Variants in MYH9 observed in about 807,000 individuals in gnomAD.
MYH9 encodes the protein myosin heavy chain 9.
MYH9 carries 29 observed loss-of-function variants against 241.9 expected under a neutral mutation model. The ratio of observed to expected loss-of-function variants is 0.12; its 90% CI spans 0.09 to 0.16. The LOEUF (loss-of-function observed/expected upper bound fraction) is 0.16, where lower values mean the gene tolerates loss of function less well. MYH9 is among the 10% of genes least tolerant of loss of function. MYH9 has a pLI of 1.00. For missense variants in MYH9, 1,803 were observed against 2,595.5 expected (o/e 0.69, Z 6.63); for synonymous variants, 1,047 against 1,062.6 (o/e 0.99, Z 0.29).
chr22:36,381,472 G>A (rs1298902778), intron 1 of MYH9, among the ~76,000 whole-genome samples: 5 of 148,998 alleles, frequency 3.4e-5, no homozygotes, highest in African/African-American at 7.5e-5. Flanking sequence ...AGCCGAGATC[G>A]ATCATGCCAC....
In MYH9 at chr22:36,320,937, C is replaced by G. The variant is rs2017239899; in HGVS notation, c.770-41G>C. On this transcript the variant is annotated intron_variant, in intron 7 of 40. Transcript: ENST00000216181. The surrounding 1 kb of genome is among the most constrained non-coding windows in gnomAD (Gnocchi z 4.8). Reference sequence around the variant, plus strand: ...GGAGCAACACAAGCTGGGGAGAAGGCAAGCCCTCCACTTTCCTCATTTTTT... The same window carrying G: ...GGAGCAACACAAGCTGGGGAGAAGGGAAGCCCTCCACTTTCCTCATTTTTT... The G allele has an allele frequency of 1.9e-6, 3 of 1,540,682 alleles. No homozygotes were observed. Among genetic ancestry groups the G allele is most frequent in the East Asian group, 4.5e-5 (2 of 44,308 alleles).
Position 36,286,619 on chromosome 22 carries a change from G to A in MYH9, c.5061+99C>T, listed in dbSNP as rs188565498. 2.6e-6 allele frequency: 4 copies of A among 1,551,384 alleles called. No individual in the cohort carries two copies. In the African/African-American group the frequency reaches 4.1e-5, roughly 16 times the overall value. On this transcript the variant is annotated intron_variant, in intron 35 of 40. Transcript: ENST00000216181. Reference sequence around the variant, plus strand: ...GAGCCATCCCCAGCCAATTCCTGGAGCCCAGTAGGACTCCAGCCCTGTCCT... The same window carrying A: ...GAGCCATCCCCAGCCAATTCCTGGAACCCAGTAGGACTCCAGCCCTGTCCT...
In MYH9 at chr22:36,312,006, C is replaced by T; in HGVS notation, c.1728+43G>A. 3 of 974,878 alleles carry T rather than the reference C, an allele frequency of 3.1e-6. No homozygotes were observed. The African/African-American group carries it at 4.7e-5, about 15-fold the overall frequency. 60.4% of individuals were successfully genotyped at this position (974,878 alleles called of 1,614,324 possible). Reference sequence around the variant, plus strand: ...CCTAGAGAGCCTCGACTCCACCTCTCCTGTGAAGATCTGGCCAGCACCTCC... The same window carrying T: ...CCTAGAGAGCCTCGACTCCACCTCTTCTGTGAAGATCTGGCCAGCACCTCC... On this transcript the variant is annotated intron_variant, in intron 14 of 40. Coordinates refer to ENST00000216181, the MANE Select transcript of MYH9 (RefSeq NM_002473.6).
chr22:36,311,927 A>C, intron 14 of MYH9, 122 bp downstream of exon 14: 1 of 1,166,630 alleles, frequency 8.6e-7, no homozygotes, highest in Non-Finnish European at 1.3e-6. Context: ...TCATTGTGCA[A>C]GAACCGTACT....
intron 3 of MYH9, among the ~76,000 whole-genome samples, chr22:36,339,755 T>C (rs2017554235): frequency 6.6e-6 from 1 of 152,062 alleles, no homozygotes; most frequent in African/African-American, 2.4e-5. Flanking sequence ...CAAACCACTA[T>C]CCATACAAGA....
chr22:36,307,353 A>G (rs1387588492), intron 15 of MYH9, among the ~76,000 whole-genome samples: 1 of 152,200 alleles, frequency 6.6e-6, no homozygotes, highest in African/African-American at 2.4e-5. Flanking sequence ...TGCATCCTCC[A>G]AGGTAAAAAA....
intron 3 of MYH9, among the ~76,000 whole-genome samples, chr22:36,331,365 C>T (rs1450397572): frequency 6.6e-6 from 1 of 152,186 alleles, no homozygotes; most frequent in African/African-American, 2.4e-5. Context: ...ATTCAGGAAC[C>T]AGGCCATTTT....
chr22:36,367,315 T>C (rs568453265), intron 1 of MYH9, among the ~76,000 whole-genome samples: 5 of 152,276 alleles, frequency 3.3e-5, no homozygotes, highest in African/African-American at 1.2e-4. Context: ...TGGGGTGCCC[T>C]GGACTCCAGG....
At chr22:36,313,216 T>G (rs1286337963) in intron 13 of MYH9, among the ~76,000 whole-genome samples, 1 of 148,170 alleles carries the variant, frequency 6.7e-6, no homozygotes, top group Non-Finnish European at 1.5e-5. Flanking sequence ...GTAATCCCAG[T>G]ACTTTGGGAG....
intron 27 of MYH9, 85 bp from the exon 28 acceptor site, chr22:36,294,383 A>T: frequency 6.9e-7 from 1 of 1,438,922 alleles, no homozygotes; most frequent in Non-Finnish European, 9.7e-7. Flanking sequence ...CTAGATCCAG[A>T]CATCGCTGCT....
intron 19 of MYH9, 99 bp from the exon 20 acceptor site, chr22:36,302,775 G>T: frequency 2.0e-6 from 2 of 1,007,982 alleles, no homozygotes; most frequent in African/African-American, 1.6e-5. Flanking sequence ...GTCTACCCTT[G>T]CCTGGGGCAC....
intron 1 of MYH9, among the ~76,000 whole-genome samples, chr22:36,353,481 C>A (rs963647976): frequency 3.9e-5 from 6 of 152,062 alleles, no homozygotes; most frequent in African/African-American, 1.4e-4. Context: ...CTGTCTCAGG[C>A]TTCCGAGTAG....
chr22:36,296,480 C>G (rs2016789511), intron 25 of MYH9, among the ~76,000 whole-genome samples: 1 of 151,496 alleles, frequency 6.6e-6, no homozygotes, highest in Admixed American at 6.6e-5. Context: ...AAGTGATCCA[C>G]CCGGCTTGGC....
In MYH9 at chr22:36,284,147, G is replaced by A. The variant is rs767057323; in HGVS notation, c.5711C>T (p.Thr1904Ile). Residue 1904 changes from threonine to isoleucine, a missense_variant, in exon 40 of 41, where the codon ACT (threonine) becomes ATT (isoleucine). Around this residue, in one of 11 missense-constraint regions of MYH9, gnomAD observed 876 missense variants for 1,077.8 expected, o/e 0.81. Transcript: ENST00000216181. ...RKLQRELEDA[T>I]ETADAMNREV... The stretch of plus-strand genomic sequence containing the variant: ...GCGGTTCATGGCATCGGCCGTCTCA[G>A]TGGCGTCCTCCAGCTCGCGCTGCAG... 2.1e-5 allele frequency: 34 copies of A among 1,614,086 alleles called. No homozygotes were observed. The highest frequency in any genetic ancestry group is 2.8e-5 in the Non-Finnish European group (33 of 1,180,032).
Position 36,331,422 on chromosome 22 carries a change from A to G in MYH9, c.491-3934T>C, listed in dbSNP as rs1259151285. Among the ~76,000 whole-genome samples the G allele has an allele frequency of 3.3e-5, 5 of 152,338 alleles. No individual in the cohort carries two copies. In the South Asian group the frequency reaches 6.2e-4, roughly 19 times the overall value. On this transcript the variant is annotated intron_variant, in intron 3 of 40. Transcript: ENST00000216181. ...CCGAAAATGTCCTGAGGCCAAGCCC[A>G]TGCAGTGAGGGCATCTGAGCTGATG...
intron 21 of MYH9, 39 bp from the exon 22 acceptor site, chr22:36,301,096 A>G: frequency 2.6e-6 from 4 of 1,547,124 alleles, no homozygotes; most frequent in Non-Finnish European, 3.5e-6. Flanking sequence ...TCCTCGCAAC[A>G]CCCTCAAGCC....
At chr22:36,324,028 C>T (rs1461276086) in intron 5 of MYH9, among the ~76,000 whole-genome samples, 1 of 152,242 alleles carries the variant, frequency 6.6e-6, no homozygotes, top group Non-Finnish European at 1.5e-5. Flanking sequence ...TACGCCGTTC[C>T]TCTCAGAGCA....
At chr22:36,292,770 G>A (rs1163303734) in intron 30 of MYH9, among the ~76,000 whole-genome samples, 2 of 152,222 alleles carry the variant, frequency 1.3e-5, no homozygotes, top group Admixed American at 6.5e-5. Context: ...GGACCCCTTC[G>A]CAGTCTAGAG....
At chr22:36,387,554 G>A (rs1244365453) in intron 1 of MYH9, among the ~76,000 whole-genome samples, 1 of 151,860 alleles carries the variant, frequency 6.6e-6, no homozygotes, top group Non-Finnish European at 1.5e-5. Flanking sequence ...GGGGAGCGCC[G>A]GGTCCCGAGG....
Sources: gnomAD v4.1 joint callset for allele counts (sites outside exome capture counted in the v4.1 genomes callset) on GRCh38, gnomAD v4.1.1 for gene constraint, gnomAD v4.1.1 regional missense constraint, Gnocchi (gnomAD v3.1) non-coding constraint, MANE v1.5 for transcripts, NCBI Gene and HGNC (gene_info 2026-07-23, HGNC 2026-07-21) for gene names.